Variants in MAP3K4 observed in about 807,000 individuals in gnomAD.
MAP3K4 encodes the protein MAP three kinase 1.
MAP3K4 carries 67 observed loss-of-function variants against 185.6 expected under a neutral mutation model. The ratio of observed to expected loss-of-function variants is 0.36; its 90% CI spans 0.30 to 0.44. The LOEUF (loss-of-function observed/expected upper bound fraction) is 0.44, where lower values mean the gene tolerates loss of function less well. Ranked by LOEUF, MAP3K4 falls within the 20% of genes least tolerant of loss-of-function variation. The probability of loss-of-function intolerance (pLI) is 1.00; values close to 1 mark genes in which losing one functional copy is unlikely to be tolerated. For missense variants in MAP3K4, 1,551 were observed against 1,995.1 expected (o/e 0.78, Z 4.24); for synonymous variants, 702 against 710.4 (o/e 0.99, Z 0.19).
chr6:161,076,896 G>A lies in MAP3K4; in HGVS notation c.2097+3284G>A, dbSNP rs961679783. On this transcript the variant is annotated intron_variant, in intron 5 of 26. Coordinates refer to ENST00000392142, the MANE Select transcript of MAP3K4 (RefSeq NM_005922.4). This position sits in a 1 kb window ranked among gnomAD's most constrained non-coding sequence, Gnocchi z 4.2. ...CCTCTTAGAGTTTAAGAATAGGGGGGTCCATGGTGATTGTAGAACCATGTG... is the reference window on the plus strand; with the variant it reads ...CCTCTTAGAGTTTAAGAATAGGGGGATCCATGGTGATTGTAGAACCATGTG... 6.6e-6 allele frequency among the ~76,000 whole-genome samples: 1 copy of A among 152,132 alleles called. No individual in the cohort carries two copies. Among genetic ancestry groups the A allele is most frequent in the East Asian group, 1.9e-4 (1 of 5,188 alleles).
rs756697467 is a variant in MAP3K4, at chr6:161,070,574, C to T, written c.1708-34C>T. On this transcript the variant is annotated intron_variant, in intron 3 of 26. Transcript: ENST00000392142. This position sits in a 1 kb window ranked among gnomAD's most constrained non-coding sequence, Gnocchi z 4.5. ...ACCGTAGAACGTTGTCTCGTATGCT[C>T]TTTTAATCTGTGCCTGTTGAATTTT... is the stretch of plus-strand genomic sequence containing the variant. 1 of 1,604,314 alleles carries T rather than the reference C, an allele frequency of 6.2e-7. No homozygotes were observed. The highest frequency in any genetic ancestry group is 8.5e-7 in the Non-Finnish European group (1 of 1,175,288).
chr6:161,032,639 A>G (rs1198338223), intron 1 of MAP3K4, among the ~76,000 whole-genome samples: 3 of 152,190 alleles, frequency 2.0e-5, no homozygotes, highest in Admixed American at 6.5e-5. Flanking sequence ...AAATAAATAA[A>G]TGATTTTGGT....
At position 161,093,405 on chromosome 6, in the gene MAP3K4, G is replaced by A. The variant is rs1456999379; in HGVS notation, c.3348+349G>A. ...GCATCATTTTGAGAGCATCATGCTC[G>A]TGTTAAATATTATCACTGTTAGTCT... On this transcript the variant is annotated intron_variant, in intron 14 of 26. Transcript: ENST00000392142. This position sits in a 1 kb window ranked among gnomAD's most constrained non-coding sequence, Gnocchi z 5.2. Among the ~76,000 whole-genome samples the A allele has an allele frequency of 6.6e-6, 1 of 152,138 alleles. No homozygotes were observed. The highest frequency in any genetic ancestry group is 2.4e-5 in the African/African-American group (1 of 41,432).
intron 1 of MAP3K4, among the ~76,000 whole-genome samples, chr6:161,019,351 A>G (rs559616506): frequency 6.6e-6 from 1 of 152,214 alleles, no homozygotes; most frequent in East Asian, 1.9e-4. Context: ...CTGGTGTTAC[A>G]TTTTGGAAAC....
chr6:161,027,191 A>G (rs1468988848), intron 1 of MAP3K4, among the ~76,000 whole-genome samples: 1 of 152,092 alleles, frequency 6.6e-6, no homozygotes, highest in Admixed American at 6.6e-5. Flanking sequence ...CTAATAGTCT[A>G]CTCTAGAATA....
rs1248243440 is a variant in MAP3K4, at chr6:161,091,183, AT to A, written c.2974-189del. ...AACTAGACTGTATCATTTTAAATGCATTTTTTTCTCTTCTATTTAAGAATGC... is the reference window on the plus strand; with the variant it reads ...AACTAGACTGTATCATTTTAAATGCATTTTTTCTCTTCTATTTAAGAATGC... On this transcript the variant is annotated intron_variant, in intron 11 of 26. Coordinates refer to ENST00000392142, the MANE Select transcript of MAP3K4 (RefSeq NM_005922.4). The surrounding 1 kb of genome is among the most constrained non-coding windows in gnomAD (Gnocchi z 5.5). Among the ~76,000 whole-genome samples the A allele has an allele frequency of 3.9e-5, 6 of 152,152 alleles. No individual in the cohort carries two copies. Among genetic ancestry groups the A allele is most frequent in the South Asian group, 2.1e-4 (1 of 4,822 alleles).
At position 161,056,636 on chromosome 6, in the gene MAP3K4, C is replaced by A. The variant is rs1175363974; in HGVS notation, c.1707+6657C>A. 6.6e-6 allele frequency among the ~76,000 whole-genome samples: 1 copy of A among 152,150 alleles called. No individual in the cohort carries two copies. The highest frequency in any genetic ancestry group is 1.5e-5 in the Non-Finnish European group (1 of 68,026). On this transcript the variant is annotated intron_variant, in intron 3 of 26. Transcript: ENST00000392142. The surrounding 1 kb of genome is among the most constrained non-coding windows in gnomAD (Gnocchi z 5.4). ...GTAGTTTCAGAATTGCTAACCAGTACCCCTGTGAGGAATAAATTTATCAAC... is the reference window on the plus strand; with the variant it reads ...GTAGTTTCAGAATTGCTAACCAGTAACCCTGTGAGGAATAAATTTATCAAC...
Position 161,091,530 on chromosome 6 carries a change from T to G in MAP3K4, c.3125T>G (p.Phe1042Cys), listed in dbSNP as rs746358102. Residue 1042 changes from phenylalanine to cysteine, a missense_variant, in exon 12 of 27, where the codon TTT becomes TGT. Transcript: ENST00000392142. The surrounding 1 kb of genome is among the most constrained non-coding windows in gnomAD (Gnocchi z 5.5). ...GAAGCAATGATTCAGGGGTACAATT[T>G]TGGATTTGAGGTAGGTTCAAAATAA... The part of the protein sequence containing the change: ...YREAMIQGYN[F>C]GFEYHKEVVR... 7 of 1,611,172 alleles carry G rather than the reference T, an allele frequency of 4.3e-6. No individual in the cohort carries two copies. The African/African-American group carries it at 8.0e-5, about 18-fold the overall frequency.
chr6:161,062,374 G>A (rs1047980279), intron 3 of MAP3K4, among the ~76,000 whole-genome samples: 16 of 152,074 alleles, frequency 1.1e-4, no homozygotes, highest in Admixed American at 2.6e-4. Flanking sequence ...CTGTCATTTA[G>A]TCTCAGTTCT....
rs1778160779 is a variant in MAP3K4 at position 161,107,886 on chromosome 6, G to A, written c.4049-13G>A. The stretch of plus-strand genomic sequence containing the variant: ...CAGTGGCTGGAAGTGCAGCTTGTTT[G>A]CATTGTTCACAGGAGAAGGCCAGTA... On this transcript the variant is annotated splice_polypyrimidine_tract_variant and intron_variant, in intron 20 of 26. Coordinates refer to ENST00000392142, the MANE Select transcript of MAP3K4 (RefSeq NM_005922.4). The surrounding 1 kb of genome is among the most constrained non-coding windows in gnomAD (Gnocchi z 6.2). 1 of 1,611,774 alleles carries A rather than the reference G, an allele frequency of 6.2e-7. No homozygotes were observed. Among genetic ancestry groups the A allele is most frequent in the East Asian group, 2.2e-5 (1 of 44,858 alleles).
At position 161,037,905 on chromosome 6, in the gene MAP3K4, A is replaced by C. The variant is rs921214946; in HGVS notation, c.343+3456A>C. On this transcript the variant is annotated intron_variant, in intron 2 of 26. Coordinates refer to ENST00000392142, the MANE Select transcript of MAP3K4 (RefSeq NM_005922.4). The surrounding 1 kb of genome is among the most constrained non-coding windows in gnomAD (Gnocchi z 4.2). The stretch of plus-strand genomic sequence containing the variant: ...CTGTTCCTGCTTCTGTCCTGCCTGG[A>C]CTACACATTTCCTTGTATGTCTTCC... Among the ~76,000 whole-genome samples the C allele has an allele frequency of 6.6e-6, 1 of 152,148 alleles. No individual in the cohort carries two copies. Among genetic ancestry groups the C allele is most frequent in the African/African-American group, 2.4e-5 (1 of 41,508 alleles).
Position 161,073,575 on chromosome 6 carries a change from T to G in MAP3K4, c.2060T>G (p.Ile687Ser), listed in dbSNP as rs370246317. 3 of 1,613,918 alleles carry G rather than the reference T, an allele frequency of 1.9e-6. No homozygotes were observed. The South Asian group carries it at 3.3e-5, about 18-fold the overall frequency. Residue 687 changes from isoleucine (I) to serine (S), a missense_variant, in exon 5 of 27, where the codon ATT (isoleucine) becomes AGT (serine). Coordinates refer to ENST00000392142, the MANE Select transcript of MAP3K4 (RefSeq NM_005922.4). The surrounding 1 kb of genome is among the most constrained non-coding windows in gnomAD (Gnocchi z 4.2). Reference protein sequence around the residue: ...LEDLEKPDCNIDAFEEDLHKM... With the variant: ...LEDLEKPDCNSDAFEEDLHKM... ...GACTTGGAGAAGCCCGACTGCAACA[T>G]TGACGCTTTTGAAGAGGATCTACAT... is the stretch of plus-strand genomic sequence containing the variant.
Position 161,086,341 on chromosome 6 carries a change from C to G in MAP3K4, c.2373-38C>G, listed in dbSNP as rs1785712405. On this transcript the variant is annotated intron_variant, in intron 7 of 26. Coordinates refer to ENST00000392142, the MANE Select transcript of MAP3K4 (RefSeq NM_005922.4). The surrounding 1 kb of genome is among the most constrained non-coding windows in gnomAD (Gnocchi z 4.8). The stretch of plus-strand genomic sequence containing the variant: ...TCCCTCTTGCACCTCTGGAATATTC[C>G]CTAATGTGTTCTAACTGGACTTGAA... 2 of 1,221,568 alleles carry G rather than the reference C, an allele frequency of 1.6e-6. No homozygotes were observed. The highest frequency in any genetic ancestry group is 1.2e-6 in the Non-Finnish European group (1 of 838,332). The allele number at this position is 1,221,568 out of a possible 1,614,324, so 75.7% of individuals were successfully genotyped here.
rs1777408455 is a variant in MAP3K4 at position 161,093,266 on chromosome 6, A to G, written c.3348+210A>G. On this transcript the variant is annotated intron_variant, in intron 14 of 26. Transcript: ENST00000392142. The surrounding 1 kb of genome is among the most constrained non-coding windows in gnomAD (Gnocchi z 5.2). ...GTAACATTAGTGTTCAACTAAGTCA[A>G]TGTCTGGTTTGTAAACCCTGGCCCT... Among the ~76,000 whole-genome samples the G allele has an allele frequency of 6.6e-6, 1 of 152,182 alleles. No homozygotes were observed. Among genetic ancestry groups the G allele is most frequent in the Non-Finnish European group, 1.5e-5 (1 of 68,028 alleles).
Position 161,073,344 on chromosome 6 carries a change from T to C in MAP3K4, c.1951-122T>C. 1 of 842,872 alleles carries C rather than the reference T, an allele frequency of 1.2e-6. No individual in the cohort carries two copies. The highest frequency in any genetic ancestry group is 1.8e-6 in the Non-Finnish European group (1 of 568,658). 52.2% of individuals were successfully genotyped at this position (842,872 alleles called of 1,614,324 possible). A position where few individuals can be genotyped will look rare whatever the true frequency, so the allele number is the denominator to read the frequency against. On this transcript the variant is annotated intron_variant, in intron 4 of 26. Coordinates refer to ENST00000392142, the MANE Select transcript of MAP3K4 (RefSeq NM_005922.4). The surrounding 1 kb of genome is among the most constrained non-coding windows in gnomAD (Gnocchi z 4.2). ...AACTGATCAAGAATCTAGAAACTATTGTAGGTTTTTTAGAGGCAAGGTTCC... is the reference window on the plus strand; with the variant it reads ...AACTGATCAAGAATCTAGAAACTATCGTAGGTTTTTTAGAGGCAAGGTTCC...
intron 1 of MAP3K4, among the ~76,000 whole-genome samples, chr6:161,006,095 G>A (rs1781572392): frequency 6.6e-6 from 1 of 152,198 alleles, no homozygotes; most frequent in South Asian, 2.1e-4. Context: ...CAACATGGCT[G>A]TTTTATTAAA....
intron 1 of MAP3K4, among the ~76,000 whole-genome samples, chr6:161,031,553 C>CG (rs1782929613): frequency 6.6e-6 from 1 of 152,182 alleles, no homozygotes; most frequent in Admixed American, 6.6e-5. Context: ...CTCCTCAGGT[C>CG]GGGGGGCTTG....
intron 1 of MAP3K4, among the ~76,000 whole-genome samples, chr6:161,024,998 G>GCCATCCAT (rs928245291): frequency 1.3e-5 from 2 of 150,728 alleles, no homozygotes; most frequent in Non-Finnish European, 3.0e-5. Flanking sequence ...CACCCACCCA[G>GCCATCCAT]CCATCCATCC....
chr6:161,033,155 T>C (rs1254533499), intron 1 of MAP3K4, among the ~76,000 whole-genome samples: 1 of 152,206 alleles, frequency 6.6e-6, no homozygotes, highest in Non-Finnish European at 1.5e-5. Flanking sequence ...TATCAAGATA[T>C]GAATTGCCAG....
Sources: gnomAD v4.1 joint callset for allele counts (sites outside exome capture counted in the v4.1 genomes callset) on GRCh38, gnomAD v4.1.1 for gene constraint, Gnocchi (gnomAD v3.1) non-coding constraint, MANE v1.5 for transcripts, NCBI Gene and HGNC (gene_info 2026-07-23, HGNC 2026-07-21) for gene names.